NAMPT: variants seen among roughly 807,000 people sequenced by gnomAD.
NAMPT encodes the protein nicotinamide phosphoribosyltransferase, also known as NAmPRTase.
A neutral mutation model predicts 58.7 loss-of-function variants in NAMPT; 7 were observed. That is an observed-to-expected ratio of 0.12 (90% confidence interval 0.07 to 0.22). The LOEUF (loss-of-function observed/expected upper bound fraction) is 0.22. NAMPT is among the 10% of genes least tolerant of loss of function. The probability of loss-of-function intolerance (pLI) is 1.00; values close to 1 mark genes in which losing one functional copy is unlikely to be tolerated. For missense variants in NAMPT, 271 were observed against 567.9 expected, an observed-to-expected ratio of 0.48 and a Z score of 5.31; for synonymous variants, 145 against 198.1, an observed-to-expected ratio of 0.73 and a Z score of 2.25.
chr7:106,265,782 A>T (rs1792398177), intron 6 of NAMPT, among the ~76,000 whole-genome samples: 1 of 152,186 alleles, frequency 6.6e-6, no homozygotes, highest in Non-Finnish European at 1.5e-5. Flanking sequence ...AAGATCATAA[A>T]TAATCAATGA....
At chr7:106,257,769 T>C (rs1792228599) in intron 8 of NAMPT, among the ~76,000 whole-genome samples, 1 of 152,236 alleles carries the variant, frequency 6.6e-6, no homozygotes, top group African/African-American at 2.4e-5. Flanking sequence ...TCCGTTCAAC[T>C]TGCCTGAACA....
chr7:106,284,710 C>CTCCTCATCT, intron 1 of NAMPT, 118 bp downstream of exon 1: 1 of 1,089,958 alleles, frequency 9.2e-7, no homozygotes, highest in Non-Finnish European at 1.1e-6. Context: ...CTCCCCGCGC[C>CTCCTCATCT]GCGACCCTAG....
intron 4 of NAMPT, among the ~76,000 whole-genome samples, chr7:106,270,959 C>T (rs1045107876): frequency 2.6e-5 from 4 of 152,240 alleles, no homozygotes; most frequent in African/African-American, 9.6e-5. Context: ...CAATCACCTC[C>T]AACATCTGAC....
At chr7:106,268,414 T>C (rs1043349531) in intron 6 of NAMPT, 50 bp downstream of exon 6, 1 of 1,568,428 alleles carries the variant, frequency 6.4e-7, no homozygotes, top group Non-Finnish European at 8.7e-7. Flanking sequence ...GAGTTACAAA[T>C]ACAAGAGTGA....
chr7:106,249,195 T>G lies in NAMPT; in HGVS notation c.*1888A>C, dbSNP rs1792068477. 1.3e-5 allele frequency: 2 copies of G among 152,476 alleles called. No homozygotes were observed. Among genetic ancestry groups the G allele is most frequent in the African/African-American group, 4.8e-5 (2 of 41,412 alleles). 9.4% of individuals were successfully genotyped at this position (152,476 alleles called of 1,614,324 possible). A position where few individuals can be genotyped will look rare whatever the true frequency, so the allele number is the denominator to read the frequency against. On this transcript the variant is annotated 3_prime_UTR_variant, in exon 11 of 11. Transcript: ENST00000222553. Reference sequence around the variant, plus strand: ...AATACATTAAAAAATCATTTTAAAATTATTTTATATCATGGATTACAGAAG... The same window carrying G: ...AATACATTAAAAAATCATTTTAAAAGTATTTTATATCATGGATTACAGAAG...
chr7:106,258,075 C>CTTT (rs1792239068), intron 8 of NAMPT, among the ~76,000 whole-genome samples: 1 of 152,214 alleles, frequency 6.6e-6, no homozygotes, highest in African/African-American at 2.4e-5. Context: ...TCCCTGCAGA[C>CTTT]TTTTCTTCTA....
chr7:106,257,598 T>A (rs1792225434), intron 8 of NAMPT, among the ~76,000 whole-genome samples: 1 of 149,590 alleles, frequency 6.7e-6, no homozygotes, highest in Admixed American at 6.7e-5. Context: ...ACCACTGCAC[T>A]AAGCCTGGGT....
At chr7:106,262,842 T>C (rs1490251952) in intron 7 of NAMPT, among the ~76,000 whole-genome samples, 1 of 152,082 alleles carries the variant, frequency 6.6e-6, no homozygotes, top group Non-Finnish European at 1.5e-5. Flanking sequence ...ATTTTTCTAG[T>C]AGTAGGCATC....
At chr7:106,278,314 T>C (rs768346492) in intron 1 of NAMPT, among the ~76,000 whole-genome samples, 9 of 151,800 alleles carry the variant, frequency 5.9e-5, no homozygotes, top group African/African-American at 1.7e-4. Flanking sequence ...AATGGTAGCA[T>C]ACTTGCAACT....
intron 4 of NAMPT, among the ~76,000 whole-genome samples, chr7:106,269,851 C>T (rs972005760): frequency 2.6e-5 from 4 of 152,190 alleles, no homozygotes; most frequent in African/African-American, 9.6e-5. Flanking sequence ...GAGGTAGTCT[C>T]AGATCTAATT....
intron 4 of NAMPT, among the ~76,000 whole-genome samples, chr7:106,271,704 G>T (rs1229347940): frequency 6.6e-6 from 1 of 151,900 alleles, no homozygotes; most frequent in Non-Finnish European, 1.5e-5. Context: ...ATATTTCGAT[G>T]TTTTCCAATT....
intron 4 of NAMPT, 91 bp from the exon 5 acceptor site, chr7:106,269,403 A>G: frequency 2.5e-6 from 3 of 1,212,610 alleles, no homozygotes; most frequent in Non-Finnish European, 2.3e-6. Flanking sequence ...TTTTGGAGGT[A>G]TGTCCTGAAC....
intron 6 of NAMPT, among the ~76,000 whole-genome samples, chr7:106,267,866 A>AC (rs1562815954): frequency 5.2e-5 from 7 of 133,646 alleles, no homozygotes; most frequent in African/African-American, 1.8e-4. Context: ...AAAAAAAAAA[A>AC]AAAAAAAAAA....
At chr7:106,284,994 CGGA>C, upstream of NAMPT, 1 of 1,404,898 alleles carries the variant, frequency 7.1e-7, no homozygotes, top group South Asian at 1.4e-5. Flanking sequence ...GCTCGGTCGG[CGGA>C]GGAGGGGGAG....
At chr7:106,282,685 T>C (rs1792789459) in intron 1 of NAMPT, among the ~76,000 whole-genome samples, 2 of 152,258 alleles carry the variant, frequency 1.3e-5, no homozygotes, top group Admixed American at 6.5e-5. Context: ...CCCATTGTCA[T>C]GTGCTTGCTA....
chr7:106,260,391 C>A (rs1429638041), intron 8 of NAMPT, among the ~76,000 whole-genome samples: 1 of 152,248 alleles, frequency 6.6e-6, no homozygotes, highest in Non-Finnish European at 1.5e-5. Context: ...TTAGGCTTCA[C>A]AGAATTGAAA....
At chr7:106,254,760 G>A (rs986243890) in intron 8 of NAMPT, among the ~76,000 whole-genome samples, 16 of 152,168 alleles carry the variant, frequency 1.1e-4, no homozygotes, top group Non-Finnish European at 2.9e-5. Context: ...GATTCGGGGA[G>A]TGAAGGAAAT....
intron 8 of NAMPT, among the ~76,000 whole-genome samples, chr7:106,258,083 C>CTATT (rs1792239461): frequency 6.6e-6 from 1 of 152,202 alleles, no homozygotes; most frequent in African/African-American, 2.4e-5. Context: ...GACTTTTCTT[C>CTATT]TATTTCTTTT....
At chr7:106,258,467 A>C (rs1418285961) in intron 8 of NAMPT, among the ~76,000 whole-genome samples, 1 of 152,184 alleles carries the variant, frequency 6.6e-6, no homozygotes, top group Non-Finnish European at 1.5e-5. Flanking sequence ...AATGGCCTAC[A>C]TTATGTTAGT....
Sources: allele counts gnomAD v4.1 joint callset (sites outside exome capture counted in the v4.1 genomes callset), GRCh38; gene constraint gnomAD v4.1.1; transcripts MANE v1.5; gene names NCBI Gene and HGNC (gene_info 2026-07-23, HGNC 2026-07-21).